Variants in BORCS5 observed in about 807,000 individuals in gnomAD.
BORCS5 encodes BLOC-1 related complex subunit 5, also known as BLOC-1-related complex subunit 5.
In BORCS5, 17 loss-of-function variants were observed where a neutral mutation model predicts 22.1. That is an observed-to-expected ratio of 0.77 (90% CI 0.53 to 1.15). The LOEUF (loss-of-function observed/expected upper bound fraction) is 1.15, where lower values mean the gene tolerates loss of function less well. Ranked by LOEUF, BORCS5 falls within the 50% of genes most tolerant of loss-of-function variation. BORCS5 has a pLI of 0.00. For synonymous variants in BORCS5, 117 were observed against 99.8 expected (o/e 1.17, Z -1.03); for missense variants, 247 against 253.2 (o/e 0.98, Z 0.17).
chr12:12,393,470 G>A (rs1941250466), intron 2 of BORCS5, among the ~76,000 whole-genome samples: 1 of 151,780 alleles, frequency 6.6e-6, no homozygotes, highest in Non-Finnish European at 1.5e-5. Flanking sequence ...TTATACAACT[G>A]GTTATTTTTC....
At chr12:12,416,505 G>A (rs1412098169) in intron 2 of BORCS5, among the ~76,000 whole-genome samples, 2 of 151,884 alleles carry the variant, frequency 1.3e-5, no homozygotes, top group Non-Finnish European at 2.9e-5. Context: ...GTGCAGTGGT[G>A]CAATCATAGC....
chr12:12,387,394 G>A (rs1398947832), intron 2 of BORCS5, among the ~76,000 whole-genome samples: 1 of 151,500 alleles, frequency 6.6e-6, no homozygotes. Context: ...AATACTATCT[G>A]AGCATTTCCA....
chr12:12,446,371 T>C (rs772951413), intron 3 of BORCS5, among the ~76,000 whole-genome samples: 1 of 152,192 alleles, frequency 6.6e-6, no homozygotes, highest in Non-Finnish European at 1.5e-5. Context: ...TGCTGGTCAG[T>C]ACAGAGCTAG....
intron 2 of BORCS5, among the ~76,000 whole-genome samples, chr12:12,376,036 C>A (rs1013289521): frequency 3.9e-5 from 6 of 152,114 alleles, no homozygotes; most frequent in Admixed American, 1.3e-4. Flanking sequence ...AACTCCTGAC[C>A]TCATGATCCG....
chr12:12,410,645 T>A (rs1327762385), intron 2 of BORCS5, among the ~76,000 whole-genome samples: 1 of 152,216 alleles, frequency 6.6e-6, no homozygotes, highest in Non-Finnish European at 1.5e-5. Context: ...TAGTATAGTT[T>A]GAAGTCAGGT....
intron 2 of BORCS5, among the ~76,000 whole-genome samples, chr12:12,409,497 G>T (rs1374613655): frequency 1.3e-5 from 2 of 151,678 alleles, no homozygotes; most frequent in Non-Finnish European, 2.9e-5. Flanking sequence ...TTTTGTCCTT[G>T]CAATAGTTTG....
At chr12:12,418,889 T>C (rs1242680258) in intron 2 of BORCS5, among the ~76,000 whole-genome samples, 1 of 152,140 alleles carries the variant, frequency 6.6e-6, no homozygotes, top group Non-Finnish European at 1.5e-5. Context: ...CAGTGGCACT[T>C]ACTTCTGTCA....
At chr12:12,426,269 T>G (rs1228598773) in intron 2 of BORCS5, among the ~76,000 whole-genome samples, 1 of 152,262 alleles carries the variant, frequency 6.6e-6, no homozygotes, top group Non-Finnish European at 1.5e-5. Flanking sequence ...AGAATCGTGC[T>G]ATATTGCCGA....
chr12:12,362,617 A>ATTATATCATG (rs1322745943), intron 2 of BORCS5, among the ~76,000 whole-genome samples: 56 of 128,372 alleles, frequency 4.4e-4, no homozygotes, highest in African/African-American at 1.4e-3. Flanking sequence ...AAAACAACAC[A>ATTATATCATG]TTATATCATG....
chr12:12,413,160 G>A (rs1240929153), intron 2 of BORCS5, among the ~76,000 whole-genome samples: 1 of 76,992 alleles, frequency 1.3e-5, no homozygotes, highest in Non-Finnish European at 2.6e-5. Context: ...TCGCAGAGGG[G>A]GATTTGGCAG....
chr12:12,410,737 C>A (rs922630532), intron 2 of BORCS5, among the ~76,000 whole-genome samples: 17 of 152,046 alleles, frequency 1.1e-4, no homozygotes, highest in African/African-American at 2.2e-4. Context: ...TATGAACTTT[C>A]AAGTAGTTTT....
intron 3 of BORCS5, among the ~76,000 whole-genome samples, chr12:12,451,866 C>T (rs571776830): frequency 2.7e-5 from 4 of 149,752 alleles, no homozygotes; most frequent in East Asian, 3.9e-4. Context: ...TGCAGTGAGC[C>T]GAGATCGCAC....
intron 3 of BORCS5, among the ~76,000 whole-genome samples, chr12:12,456,320 A>G (rs1280907474): frequency 6.6e-6 from 1 of 152,176 alleles, no homozygotes; most frequent in African/African-American, 2.4e-5. Flanking sequence ...AGTCTCAGCT[A>G]CTCAGGAAGC....
chr12:12,378,841 C>A (rs895717041), intron 2 of BORCS5, among the ~76,000 whole-genome samples: 1 of 151,328 alleles, frequency 6.6e-6, no homozygotes, highest in Admixed American at 6.6e-5. Context: ...CAGCCTCGAC[C>A]TCCCAGGCTC....
At chr12:12,392,820 T>C (rs113697035) in intron 2 of BORCS5, among the ~76,000 whole-genome samples, 8,359 of 152,248 alleles carry the variant, frequency 0.055, 334 homozygotes, top group Non-Finnish European at 0.087. Context: ...TGGGACTTTA[T>C]AAAATTAGAT....
intron 3 of BORCS5, among the ~76,000 whole-genome samples, chr12:12,454,223 A>G (rs970324912): frequency 6.6e-6 from 1 of 152,216 alleles, no homozygotes; most frequent in Admixed American, 6.5e-5. Flanking sequence ...GCTGTATAGT[A>G]ACTTTATGTT....
At chr12:12,449,891 T>G (rs1254921267) in intron 3 of BORCS5, among the ~76,000 whole-genome samples, 2 of 152,210 alleles carry the variant, frequency 1.3e-5, no homozygotes, top group African/African-American at 4.8e-5. Context: ...ACTGATGCCC[T>G]TCTCACTGCA....
At chr12:12,464,803 C>T (rs777560804) in intron 3 of BORCS5, among the ~76,000 whole-genome samples, 2 of 152,102 alleles carry the variant, frequency 1.3e-5, no homozygotes, top group African/African-American at 2.4e-5. Context: ...AGATAGTCCT[C>T]ACAGTTTGAC....
intron 3 of BORCS5, among the ~76,000 whole-genome samples, chr12:12,439,435 C>T (rs1942633965): frequency 6.6e-6 from 1 of 152,048 alleles, no homozygotes; most frequent in Non-Finnish European, 1.5e-5. Flanking sequence ...CAAGACCAGC[C>T]TGGGCAACAT....
Sources: gnomAD v4.1 joint callset for allele counts (sites outside exome capture counted in the v4.1 genomes callset) on GRCh38, gnomAD v4.1.1 for gene constraint, MANE v1.5 for transcripts, NCBI Gene and HGNC (gene_info 2026-07-23, HGNC 2026-07-21) for gene names.